Variants in AKR1A1 observed in about 807,000 individuals in gnomAD.
AKR1A1 encodes aldo-keto reductase family 1 member A1, also known as HEL-S-165mP.
Under a neutral mutation model 39.2 loss-of-function variants are expected in AKR1A1, and 26 were observed. The ratio of observed to expected loss-of-function variants is 0.66; its 90% confidence interval spans 0.49 to 0.92. The LOEUF is 0.92. Among genes scored for constraint, AKR1A1 ranks in the 40% least tolerant of loss-of-function variants. The pLI, the probability that AKR1A1 is intolerant of heterozygous loss-of-function variation, is 0.00. For missense variants in AKR1A1, 378 were observed against 406.5 expected, an observed-to-expected ratio of 0.93 and a Z score of 0.60; for synonymous variants, 141 against 155.5, an observed-to-expected ratio of 0.91 and a Z score of 0.69.
At chr1:45,567,883 C>A in intron 4 of AKR1A1, 99 bp from the exon 5 acceptor site, 1 of 1,160,994 alleles carries the variant, frequency 8.6e-7, no homozygotes, top group Non-Finnish European at 1.2e-6. Flanking sequence ...CCTTTGTCCT[C>A]TCTGGGATTG....
At position 45,569,342 on chromosome 1, in the gene AKR1A1, G is replaced by C. The variant is rs1231680847; in HGVS notation, c.912+113G>C. On this transcript the variant is annotated intron_variant, in intron 8 of 8. Transcript: ENST00000351829. ...TGAGAAGGACACAATGTTGTGGGTG[G>C]GATTGCTATGCTGGACATAGTGCCC... is the stretch of plus-strand genomic sequence containing the variant. The C allele has an allele frequency of 5.8e-6, 5 of 857,652 alleles. No individual in the cohort carries two copies. The East Asian group carries it at 1.2e-4, about 21-fold the overall frequency. 53.1% of individuals were successfully genotyped at this position (857,652 alleles called of 1,614,324 possible). A position where few individuals can be genotyped will look rare whatever the true frequency, so the allele number is the denominator to read the frequency against.
At chr1:45,560,897 T>G (rs1455556823) in intron 1 of AKR1A1, among the ~76,000 whole-genome samples, 1 of 152,008 alleles carries the variant, frequency 6.6e-6, no homozygotes, top group African/African-American at 2.4e-5. Context: ...CTGGCTAATT[T>G]TTTGTATTTT....
intron 4 of AKR1A1, 120 bp from the exon 5 acceptor site, chr1:45,567,862 A>G: frequency 1.0e-6 from 1 of 955,646 alleles, no homozygotes; most frequent in Non-Finnish European, 1.5e-6. Context: ...GGCTTTTTAA[A>G]AATTCTTGGC....
chr1:45,569,173 A>C lies in AKR1A1; in HGVS notation c.856A>C (p.Met286Leu). The change falls in exon 8 of 9, where the codon ATG becomes CTG. Residue 286 changes from methionine to leucine, a missense_variant. By Grantham distance (15) the Met-to-Leu change is conservative. Coordinates refer to ENST00000351829, the MANE Select transcript of AKR1A1 (RefSeq NM_153326.3). ...TGACTTCACCTTTAGCCCAGAAGAGATGAAGCAGCTAAATGCCCTGAACAA... is the reference window on the plus strand; with the variant it reads ...TGACTTCACCTTTAGCCCAGAAGAGCTGAAGCAGCTAAATGCCCTGAACAA... ...VFDFTFSPEE[M>L]KQLNALNKNW... 6.2e-7 allele frequency: 1 copy of C among 1,614,150 alleles called. No homozygotes were observed. Among genetic ancestry groups the C allele is most frequent in the Non-Finnish European group, 8.5e-7 (1 of 1,180,014 alleles).
At position 45,555,463 on chromosome 1, in the gene AKR1A1, G is replaced by A. The variant is rs181811745; in HGVS notation, c.-7+4308G>A. Among the ~76,000 whole-genome samples the A allele has an allele frequency of 5.3e-5, 8 of 151,864 alleles. No homozygotes were observed. The East Asian group carries it at 1.2e-3, about 22-fold the overall frequency. ...CATTGCGCCGTTGCATTCCAGCCTG[G>A]GCAACAAGAGTGAAACTGTGTCTAA... On this transcript the variant is annotated intron_variant, in intron 1 of 8. Coordinates refer to ENST00000351829, the MANE Select transcript of AKR1A1 (RefSeq NM_153326.3).
intron 1 of AKR1A1, among the ~76,000 whole-genome samples, chr1:45,558,345 T>C (rs1012759957): frequency 2.0e-4 from 31 of 151,748 alleles, no homozygotes; most frequent in Non-Finnish European, 2.6e-4. Flanking sequence ...TCTCATGTCT[T>C]GGCCTCCCAA....
At chr1:45,567,653 C>G (rs546349123) in intron 4 of AKR1A1, 16 of 177,206 alleles carry the variant, frequency 9.0e-5, no homozygotes, top group South Asian at 5.5e-4. Context: ...CGGTGAAACC[C>G]CGTCTCTACT....
At chr1:45,568,200 T>C (rs1644371140) in intron 5 of AKR1A1, 23 bp downstream of exon 5, 1 of 1,597,056 alleles carries the variant, frequency 6.3e-7, no homozygotes, top group East Asian at 2.3e-5. Context: ...AGCAGATGAG[T>C]GGTTTAGGGG....
chr1:45,553,143 G>T (rs576930993), intron 1 of AKR1A1, among the ~76,000 whole-genome samples: 3 of 151,994 alleles, frequency 2.0e-5, no homozygotes, highest in East Asian at 1.9e-4. Flanking sequence ...ATTTAAAAAG[G>T]CTGGGCACAG....
Position 45,568,013 on chromosome 1 carries a change from G to A in AKR1A1, c.388G>A (p.Asp130Asn). 6.2e-7 allele frequency: 1 copy of A among 1,613,926 alleles called. No homozygotes were observed. The highest frequency in any genetic ancestry group is 8.5e-7 in the Non-Finnish European group (1 of 1,179,970). ...AGACAACCCCTTCCCCAAGAATGCTGATGGGACTATATGCTACGACTCCAC... is the reference window on the plus strand; with the variant it reads ...AGACAACCCCTTCCCCAAGAATGCTAATGGGACTATATGCTACGACTCCAC... ...RGDNPFPKNA[D>N]GTICYDSTHY... The change falls in exon 5 of 9, where the codon GAT becomes AAT. Residue 130 changes from aspartate to asparagine, a missense_variant. Transcript: ENST00000351829.
intron 2 of AKR1A1, 134 bp from the exon 3 acceptor site, chr1:45,566,435 C>T: frequency 1.5e-6 from 2 of 1,372,446 alleles, no homozygotes; most frequent in Non-Finnish European, 2.0e-6. Flanking sequence ...GTTCATCTTC[C>T]ATCTTTTCAC....
intron 1 of AKR1A1, among the ~76,000 whole-genome samples, chr1:45,559,339 AG>A (rs750712119): frequency 9.6e-4 from 146 of 152,226 alleles, no homozygotes; most frequent in Non-Finnish European, 1.5e-3. Flanking sequence ...CCAGAGGGGG[AG>A]GCTCCAGTTA....
intron 1 of AKR1A1, among the ~76,000 whole-genome samples, chr1:45,557,129 G>A (rs1557630215): frequency 6.6e-6 from 1 of 152,094 alleles, no homozygotes; most frequent in African/African-American, 2.4e-5. Context: ...GGTGGAGGTT[G>A]CAGTGAGCCA....
At chr1:45,552,110 A>G (rs1169929508) in intron 1 of AKR1A1, among the ~76,000 whole-genome samples, 2 of 152,054 alleles carry the variant, frequency 1.3e-5, no homozygotes, top group South Asian at 2.1e-4. Context: ...ATTTATATAT[A>G]AACAGAAAAA....
intron 1 of AKR1A1, 45 bp from the exon 2 acceptor site, chr1:45,561,744 A>C (rs748981648): frequency 6.3e-7 from 1 of 1,589,518 alleles, no homozygotes; most frequent in South Asian, 1.1e-5. Flanking sequence ...AGACCTGAAC[A>C]ACAGCACTAA....
intron 8 of AKR1A1, among the ~76,000 whole-genome samples, chr1:45,569,644 T>C (rs1644389530): frequency 6.6e-6 from 1 of 152,180 alleles, no homozygotes; most frequent in South Asian, 2.1e-4. Flanking sequence ...AAATGGTTCC[T>C]GGCCTCTTGA....
At chr1:45,567,826 CA>C (rs372088222) in intron 4 of AKR1A1, 155 bp from the exon 5 acceptor site, 71,475 of 518,996 alleles carry the variant, frequency 0.14, no homozygotes, top group East Asian at 0.22. Flanking sequence ...GACTCCATCT[CA>C]AAAAAAAAAA....
chr1:45,567,952 C>A, intron 4 of AKR1A1, 30 bp from the exon 5 acceptor site: 3 of 1,576,392 alleles, frequency 1.9e-6, no homozygotes, highest in South Asian at 1.2e-5. Flanking sequence ...GCATTTGTGT[C>A]CACACTTGGT....
At chr1:45,560,886 C>A (rs1644268863) in intron 1 of AKR1A1, among the ~76,000 whole-genome samples, 1 of 152,142 alleles carries the variant, frequency 6.6e-6, no homozygotes, top group Non-Finnish European at 1.5e-5. Flanking sequence ...CGCCACCACG[C>A]CTGGCTAATT....
Sources: allele counts gnomAD v4.1 joint callset (sites outside exome capture counted in the v4.1 genomes callset), GRCh38; gene constraint gnomAD v4.1.1; transcripts MANE v1.5; gene names NCBI Gene and HGNC (gene_info 2026-07-23, HGNC 2026-07-21).